The following MAPK10 variants were observed in gnomAD, a reference collection of about 807,000 sequenced individuals.
MAPK10 encodes JNK3 alpha protein kinase.
MAPK10 carries 25 observed loss-of-function variants against 59.3 expected under a neutral mutation model. The observed-to-expected ratio is 0.42, with a 90% CI of 0.31 to 0.59. The LOEUF is 0.59. Ranked by LOEUF, MAPK10 falls within the 20% of genes least tolerant of loss-of-function variation. MAPK10 has a pLI of 0.15. For synonymous variants in MAPK10, 190 were observed against 200.5 expected (o/e 0.95, Z 0.44); for missense variants, 351 against 568.9 (o/e 0.62, Z 3.90).
intron 2 of MAPK10, among the ~76,000 whole-genome samples, chr4:86,207,975 C>T (rs886186809): frequency 5.3e-5 from 8 of 151,974 alleles, no homozygotes; most frequent in African/African-American, 1.9e-4. Flanking sequence ...TCTAGATATA[C>T]AATTGAAAAT....
In MAPK10 at chr4:86,015,720, T is replaced by G. The variant is rs970691943; in HGVS notation, c.*1508A>C. On this transcript the variant is annotated 3_prime_UTR_variant, in exon 14 of 14. Transcript: ENST00000641462. The stretch of plus-strand genomic sequence containing the variant: ...ACAAACTCATATTGCTAAAACTATT[T>G]GGCAGCAGTAAATTTATGGGCAGAG... The G allele has an allele frequency of 2.0e-5, 3 of 152,222 alleles. No individual in the cohort carries two copies. Among genetic ancestry groups the G allele is most frequent in the Middle Eastern group, 3.2e-3 (1 of 316 alleles). 9.4% of individuals were successfully genotyped at this position (152,222 alleles called of 1,614,324 possible).
chr4:86,548,806 A>C (rs1324977834), intron 1 of MAPK10, among the ~76,000 whole-genome samples: 1 of 152,178 alleles, frequency 6.6e-6, no homozygotes, highest in African/African-American at 2.4e-5. Flanking sequence ...CAACTTGCAC[A>C]CTATGAACAA....
chr4:86,253,509 T>C (rs1186916143), intron 2 of MAPK10, among the ~76,000 whole-genome samples: 1 of 85,698 alleles, frequency 1.2e-5, no homozygotes, highest in Non-Finnish European at 2.1e-5. Flanking sequence ...CAGCCTTGCA[T>C]CCCAGGGATG....
chr4:86,551,432 A>C (rs1179385897), intron 1 of MAPK10, among the ~76,000 whole-genome samples: 2 of 152,218 alleles, frequency 1.3e-5, no homozygotes, highest in East Asian at 3.8e-4. Context: ...TTTTGTCAAG[A>C]TCATTCCTAA....
At chr4:86,205,795 C>T (rs2083699160) in intron 2 of MAPK10, among the ~76,000 whole-genome samples, 1 of 151,704 alleles carries the variant, frequency 6.6e-6, no homozygotes, top group African/African-American at 2.4e-5. Context: ...ATATATTTCA[C>T]CAACTAGAAA....
intron 4 of MAPK10, among the ~76,000 whole-genome samples, chr4:86,155,592 T>G (rs927130135): frequency 2.0e-5 from 3 of 152,006 alleles, no homozygotes; most frequent in Admixed American, 2.0e-4. Context: ...TTCCTACACA[T>G]ATATGCCTAT....
intron 9 of MAPK10, among the ~76,000 whole-genome samples, chr4:86,083,344 T>G (rs1313903326): frequency 2.6e-5 from 4 of 152,156 alleles, no homozygotes; most frequent in African/African-American, 9.7e-5. Flanking sequence ...GCGCCACCCC[T>G]TCCCCATCCT....
chr4:86,165,376 CGTTT>C (rs974979930), intron 3 of MAPK10, among the ~76,000 whole-genome samples: 2 of 151,638 alleles, frequency 1.3e-5, no homozygotes, highest in Non-Finnish European at 1.5e-5. Flanking sequence ...ATATGAGATT[CGTTT>C]GTTTGTTTCC....
intron 2 of MAPK10, among the ~76,000 whole-genome samples, chr4:86,350,779 G>A (rs1379929668): frequency 6.6e-6 from 1 of 152,160 alleles, no homozygotes; most frequent in Non-Finnish European, 1.5e-5. Flanking sequence ...GGCTTCACTG[G>A]TAGAATAATG....
chr4:86,265,111 G>A lies in MAPK10; in HGVS notation c.-6-70704C>T, dbSNP rs1038765148. 5.9e-5 allele frequency among the ~76,000 whole-genome samples: 9 copies of A among 151,806 alleles called. No individual in the cohort carries two copies. The East Asian group carries it at 7.7e-4, about 13-fold the overall frequency. On this transcript the variant is annotated intron_variant, in intron 2 of 13. Transcript: ENST00000641462. ...TCACCATGTTGGCCAGGATGGTCTC[G>A]ATCTCTTGACCTCGTGACGTACCTG... is the stretch of plus-strand genomic sequence containing the variant.
At chr4:86,187,052 T>C (rs990014044) in intron 3 of MAPK10, among the ~76,000 whole-genome samples, 2 of 152,134 alleles carry the variant, frequency 1.3e-5, no homozygotes, top group African/African-American at 4.8e-5. Context: ...TGTATATTAT[T>C]ATAGTGGGTT....
intron 3 of MAPK10, among the ~76,000 whole-genome samples, chr4:86,170,609 C>A (rs2073814772): frequency 1.3e-5 from 2 of 151,916 alleles, no homozygotes; most frequent in African/African-American, 4.8e-5. Flanking sequence ...ACTTAGACTC[C>A]CACACAATAA....
At chr4:86,506,113 A>G (rs937619063) in intron 1 of MAPK10, among the ~76,000 whole-genome samples, 2 of 152,194 alleles carry the variant, frequency 1.3e-5, no homozygotes, top group Non-Finnish European at 2.9e-5. Flanking sequence ...AAAATGAGAT[A>G]TTCACACCTA....
intron 1 of MAPK10, among the ~76,000 whole-genome samples, chr4:86,527,917 A>G (rs909182144): frequency 2.0e-5 from 3 of 152,176 alleles, no homozygotes; most frequent in Non-Finnish European, 2.9e-5. Flanking sequence ...ATCAAATACC[A>G]TATGTTTTCA....
At chr4:86,533,331 T>C (rs538562230) in intron 1 of MAPK10, among the ~76,000 whole-genome samples, 1 of 152,260 alleles carries the variant, frequency 6.6e-6, no homozygotes, top group African/African-American at 2.4e-5. Flanking sequence ...TGGATAGCAG[T>C]GATAATTACA....
intron 1 of MAPK10, among the ~76,000 whole-genome samples, chr4:86,544,097 G>A (rs1045195489): frequency 3.3e-5 from 5 of 152,176 alleles, no homozygotes. Flanking sequence ...GGGAAGGGTT[G>A]AGGAATTCCA....
Position 86,019,112 on chromosome 4 carries a change from A to G in MAPK10, c.1253-1742T>C, listed in dbSNP as rs1744921385. Among the ~76,000 whole-genome samples the G allele has an allele frequency of 2.6e-5, 4 of 152,198 alleles. No individual in the cohort carries two copies. The South Asian group carries it at 8.3e-4, about 31-fold the overall frequency. On this transcript the variant is annotated intron_variant, in intron 13 of 13. Coordinates refer to ENST00000641462, the MANE Select transcript of MAPK10 (RefSeq NM_138982.4). ...AATATATGGACGTACTCTATGGGAA[A>G]TGTGAAAAAATATAGGAAATAAAGA... is the stretch of plus-strand genomic sequence containing the variant.
intron 1 of MAPK10, among the ~76,000 whole-genome samples, chr4:86,540,838 C>T (rs1163877106): frequency 2.0e-5 from 3 of 152,090 alleles, no homozygotes; most frequent in East Asian, 1.9e-4. Context: ...CGTGGTGGCT[C>T]ATTCCTGAAA....
intron 2 of MAPK10, among the ~76,000 whole-genome samples, chr4:86,221,457 T>C (rs1016082306): frequency 1.6e-4 from 24 of 152,086 alleles, no homozygotes; most frequent in Non-Finnish European, 3.1e-4. Context: ...CCCACCCAAA[T>C]TGCATATTCA....
Sources: allele counts gnomAD v4.1 joint callset (sites outside exome capture counted in the v4.1 genomes callset), GRCh38; gene constraint gnomAD v4.1.1; transcripts MANE v1.5; gene names NCBI Gene and HGNC (gene_info 2026-07-23, HGNC 2026-07-21).